Variants in OSTF1 observed in about 807,000 individuals in gnomAD.
OSTF1 encodes the protein osteoclast-stimulating factor 1.
In OSTF1, 27 loss-of-function variants were observed where a neutral mutation model predicts 37.2. The ratio of observed to expected loss-of-function variants is 0.73; its 90% CI spans 0.54 to 1.00. The LOEUF is 1.00. Ranked by LOEUF, OSTF1 falls within the 50% of genes least tolerant of loss-of-function variation. The pLI is 0.00. For missense variants in OSTF1, 232 were observed against 253.8 expected, an observed-to-expected ratio of 0.91 and a Z score of 0.58; for synonymous variants, 82 against 89.2, an observed-to-expected ratio of 0.92 and a Z score of 0.46.
rs142337159 is a variant in OSTF1, at chr9:75,124,650, G to A, written c.82-2919G>A. ...TCTAAAACATTTTCATCATCCCACA[G>A]ATCAACCCTGTACCCATTAAACAGT... On this transcript the variant is annotated intron_variant, in intron 2 of 9. Transcript: ENST00000346234. 4.4e-3 allele frequency among the ~76,000 whole-genome samples: 672 copies of A among 152,224 alleles called. 4 individuals carry two copies. Among genetic ancestry groups the A allele is most frequent in the African/African-American group, 0.016 (644 of 41,536 alleles).
intron 1 of OSTF1, among the ~76,000 whole-genome samples, chr9:75,101,361 A>G (rs1825190490): frequency 6.6e-6 from 1 of 152,184 alleles, no homozygotes; most frequent in Non-Finnish European, 1.5e-5. Flanking sequence ...GACTTGAGAG[A>G]GGATGCAATT....
intron 3 of OSTF1, among the ~76,000 whole-genome samples, chr9:75,129,999 G>A (rs1825738132): frequency 6.6e-6 from 1 of 151,950 alleles, no homozygotes; most frequent in African/African-American, 2.4e-5. Flanking sequence ...GAAATAATAT[G>A]ATGTCTAGAA....
chr9:75,138,478 G>A (rs1825877475), intron 8 of OSTF1, among the ~76,000 whole-genome samples: 1 of 152,082 alleles, frequency 6.6e-6, no homozygotes, highest in Non-Finnish European at 1.5e-5. Context: ...TTTAAATGGG[G>A]CTATCTGAAT....
chr9:75,131,904 C>T (rs1020099863), intron 5 of OSTF1, 81 bp downstream of exon 5: 6 of 954,316 alleles, frequency 6.3e-6, no homozygotes, highest in African/African-American at 1.6e-5. Context: ...GTGCATACAC[C>T]CACGTAACCA....
At chr9:75,127,190 G>T (rs538723627) in intron 2 of OSTF1, among the ~76,000 whole-genome samples, 1 of 152,182 alleles carries the variant, frequency 6.6e-6, no homozygotes, top group South Asian at 2.1e-4. Context: ...TCAAGCTTCT[G>T]GCTGTTTTTC....
chr9:75,114,107 A>G (rs1487927900), intron 1 of OSTF1, among the ~76,000 whole-genome samples: 1 of 152,194 alleles, frequency 6.6e-6, no homozygotes, highest in Non-Finnish European at 1.5e-5. Context: ...TAATGTTGTC[A>G]CAAATGACAG....
intron 1 of OSTF1, among the ~76,000 whole-genome samples, chr9:75,089,325 G>C (rs977211062): frequency 1.3e-5 from 2 of 151,310 alleles, no homozygotes; most frequent in Non-Finnish European, 2.9e-5. Flanking sequence ...GATCTCAGCT[G>C]TTGCTATTTG....
intron 1 of OSTF1, among the ~76,000 whole-genome samples, chr9:75,108,051 A>G (rs1825320298): frequency 6.6e-6 from 1 of 151,982 alleles, no homozygotes. Flanking sequence ...AGCCTGGGCA[A>G]CATGACTCCC....
rs762235453 is a variant in OSTF1 at position 75,134,362 on chromosome 9, A to G, written c.375A>G (p.Leu125=). 14 of 1,568,678 alleles carry G rather than the reference A, an allele frequency of 8.9e-6. No homozygotes were observed. The highest frequency in any genetic ancestry group is 8.6e-5 in the Admixed American group (5 of 57,944). ...HGGHKDIVEM[L]FTQPNIELNQ... is the part of the protein sequence containing the mutation. ...GAATTTCAGATATAGTGGAAATGCT[A>G]TTTACTCAACCAAATATTGAACTGA... Residue 125 remains leucine, a synonymous_variant, in exon 7 of 10, where the codon CTA becomes CTG. Coordinates refer to ENST00000346234, the MANE Select transcript of OSTF1 (RefSeq NM_012383.5).
At chr9:75,140,810 A>G (rs1480968643) in intron 8 of OSTF1, 24 bp from the exon 9 acceptor site, 3 of 1,571,148 alleles carry the variant, frequency 1.9e-6, no homozygotes, top group Admixed American at 1.7e-5. Context: ...AAGACACCTA[A>G]TTGACTTTTC....
At chr9:75,132,193 C>G (rs115800879) in intron 5 of OSTF1, among the ~76,000 whole-genome samples, 28 of 152,264 alleles carry the variant, frequency 1.8e-4, no homozygotes, top group Middle Eastern at 3.4e-3. Context: ...ATGTGTTTGA[C>G]AGGCCGTAGA....
At chr9:75,130,978 G>A (rs1825753451) in intron 4 of OSTF1, among the ~76,000 whole-genome samples, 1 of 152,080 alleles carries the variant, frequency 6.6e-6, no homozygotes, top group Non-Finnish European at 1.5e-5. Flanking sequence ...CGTTTCTTTT[G>A]TGATGGAGTA....
chr9:75,132,627 T>C (rs545318979), intron 5 of OSTF1, among the ~76,000 whole-genome samples: 2 of 152,148 alleles, frequency 1.3e-5, no homozygotes, highest in Non-Finnish European at 2.9e-5. Context: ...AAAGCCTCAA[T>C]GAGCTCCATT....
chr9:75,119,177 T>G (rs1825539679), intron 2 of OSTF1, among the ~76,000 whole-genome samples: 1 of 152,232 alleles, frequency 6.6e-6, no homozygotes, highest in African/African-American at 2.4e-5. Context: ...TCACTGCCAT[T>G]GATTCCTCAT....
At chr9:75,137,478 C>A in intron 7 of OSTF1, 60 bp from the exon 8 acceptor site, 1 of 1,106,710 alleles carries the variant, frequency 9.0e-7, no homozygotes, top group Non-Finnish European at 1.4e-6. Context: ...CCTGAATTAA[C>A]ATGTACTTTC....
intron 9 of OSTF1, among the ~76,000 whole-genome samples, chr9:75,145,394 G>A (rs1826007850): frequency 6.6e-6 from 1 of 152,094 alleles, no homozygotes; most frequent in African/African-American, 2.4e-5. Context: ...AAATCATATA[G>A]AATATTGTGT....
At chr9:75,097,678 C>T (rs544650920) in intron 1 of OSTF1, among the ~76,000 whole-genome samples, 1 of 152,128 alleles carries the variant, frequency 6.6e-6, no homozygotes, top group South Asian at 2.1e-4. Flanking sequence ...TTACATTTTC[C>T]AAACATAAAA....
At chr9:75,103,211 A>C (rs1215319086) in intron 1 of OSTF1, among the ~76,000 whole-genome samples, 1 of 152,198 alleles carries the variant, frequency 6.6e-6, no homozygotes, top group Non-Finnish European at 1.5e-5. Context: ...GAGGTTTAGG[A>C]GTTCAAGATT....
At chr9:75,115,040 A>G (rs1166935485) in intron 1 of OSTF1, among the ~76,000 whole-genome samples, 1 of 152,240 alleles carries the variant, frequency 6.6e-6, no homozygotes, top group Non-Finnish European at 1.5e-5. Flanking sequence ...AAGGTTTTTG[A>G]GTATTCAGTC....
Sources: gnomAD v4.1 joint callset for allele counts (sites outside exome capture counted in the v4.1 genomes callset) on GRCh38, gnomAD v4.1.1 for gene constraint, MANE v1.5 for transcripts, NCBI Gene and HGNC (gene_info 2026-07-23, HGNC 2026-07-21) for gene names.